The following BFAR variants were observed in gnomAD, a reference collection of about 807,000 sequenced individuals.
The protein encoded by BFAR is RING finger protein 47.
Under a neutral mutation model 54.4 loss-of-function variants are expected in BFAR, and 52 were observed. The ratio of observed to expected loss-of-function variants is 0.96; its 90% CI spans 0.77 to 1.21. The LOEUF (loss-of-function observed/expected upper bound fraction) is 1.21. Ranked by LOEUF, BFAR falls within the 50% of genes most tolerant of loss-of-function variation. BFAR has a pLI of 0.00. For synonymous variants in BFAR, 215 were observed against 204.3 expected, an observed-to-expected ratio of 1.05 and a Z score of -0.45; for missense variants, 571 against 534.0, an observed-to-expected ratio of 1.07 and a Z score of -0.68.
chr16:14,635,667 C>T (rs1240815441), intron 1 of BFAR, among the ~76,000 whole-genome samples: 1 of 152,050 alleles, frequency 6.6e-6, no homozygotes, highest in Non-Finnish European at 1.5e-5. Flanking sequence ...CACCTTTGCT[C>T]CACTGGTTTC....
intron 3 of BFAR, among the ~76,000 whole-genome samples, chr16:14,649,195 C>T (rs944229721): frequency 3.3e-5 from 5 of 151,400 alleles, no homozygotes; most frequent in Non-Finnish European, 5.9e-5. Context: ...TCTGCCTCAG[C>T]TTCCCAAGTA....
chr16:14,656,768 G>T (rs566852822), intron 5 of BFAR, among the ~76,000 whole-genome samples: 19 of 152,236 alleles, frequency 1.2e-4, no homozygotes, highest in African/African-American at 4.6e-4. Flanking sequence ...ACCCATGTAG[G>T]CAGCCACCGG....
intron 5 of BFAR, among the ~76,000 whole-genome samples, chr16:14,655,938 C>A (rs928462735): frequency 6.6e-6 from 1 of 151,654 alleles, no homozygotes. Context: ...GGCTGGTCAC[C>A]GTGGCTCACA....
chr16:14,639,842 C>T (rs921042922), intron 1 of BFAR, among the ~76,000 whole-genome samples: 3 of 152,170 alleles, frequency 2.0e-5, no homozygotes, highest in Non-Finnish European at 2.9e-5. Context: ...TGATAAGTAA[C>T]GACCTGACGT....
chr16:14,666,186 C>A (rs1960436371), intron 7 of BFAR, among the ~76,000 whole-genome samples: 1 of 152,166 alleles, frequency 6.6e-6, no homozygotes, highest in African/African-American at 2.4e-5. Context: ...TGGACCCAGG[C>A]TTGAGGCATG....
At chr16:14,642,495 C>CA (rs1256033572) in intron 1 of BFAR, among the ~76,000 whole-genome samples, 1 of 152,090 alleles carries the variant, frequency 6.6e-6, no homozygotes, top group African/African-American at 2.4e-5. Context: ...CAGATGAAAA[C>CA]AAGAAGAGAA....
intron 5 of BFAR, among the ~76,000 whole-genome samples, chr16:14,660,161 ACTGG>A (rs1960250474): frequency 4.0e-5 from 6 of 151,368 alleles, no homozygotes; most frequent in Non-Finnish European, 7.4e-5. Context: ...AGTGATCTCC[ACTGG>A]ACACTGGGGA....
At position 14,649,793 on chromosome 16, in the gene BFAR, CT is replaced by C; in HGVS notation, c.469-7del. On this transcript the variant is annotated splice_polypyrimidine_tract_variant and intron_variant, in intron 3 of 7. Transcript: ENST00000261658. ...TCTCCATGGTTTAAAGTCCCTGTCACTTTTCCCCAGGTGGTCCTGCTCGTCT... is the reference window on the plus strand; with the variant it reads ...TCTCCATGGTTTAAAGTCCCTGTCACTTTCCCCAGGTGGTCCTGCTCGTCT... 4 of 1,585,058 alleles carry C rather than the reference CT, an allele frequency of 2.5e-6. No homozygotes were observed. The highest frequency in any genetic ancestry group is 1.1e-5 in the South Asian group (1 of 87,608).
chr16:14,641,819 G>GC (rs1959637378), intron 1 of BFAR, among the ~76,000 whole-genome samples: 1 of 152,172 alleles, frequency 6.6e-6, no homozygotes. Flanking sequence ...CTCAGGTTGT[G>GC]CTATTGCACT....
At position 14,645,931 on chromosome 16, in the gene BFAR, C is replaced by T. The variant is rs759249988; in HGVS notation, c.263+1322C>T. 6.8e-4 allele frequency among the ~76,000 whole-genome samples: 103 copies of T among 152,064 alleles called. 1 individual carries two copies. Among genetic ancestry groups the T allele is most frequent in the Non-Finnish European group, 9.1e-4 (62 of 68,006 alleles). The stretch of plus-strand genomic sequence containing the variant: ...TCGCTCAGGCTGGAGTGCAGTGGTA[C>T]GACCTTGGCTCACTGCAACCTCCAC... On this transcript the variant is annotated intron_variant, in intron 2 of 7. Transcript: ENST00000261658.
At chr16:14,648,758 A>T (rs1168595029) in intron 3 of BFAR, among the ~76,000 whole-genome samples, 166 bp downstream of exon 3, 2 of 152,118 alleles carry the variant, frequency 1.3e-5, no homozygotes, top group Non-Finnish European at 2.9e-5. Context: ...TTCCTCAGGA[A>T]TGTTGCTTAC....
chr16:14,641,285 A>G (rs1959618052), intron 1 of BFAR, among the ~76,000 whole-genome samples: 1 of 152,206 alleles, frequency 6.6e-6, no homozygotes, highest in Non-Finnish European at 1.5e-5. Flanking sequence ...AAGATGGAGA[A>G]AACAGTGAAG....
In BFAR at chr16:14,644,603, T is replaced by C; in HGVS notation, c.257T>C (p.Leu86Pro). 1 of 1,612,518 alleles carries C rather than the reference T, an allele frequency of 6.2e-7. No individual in the cohort carries two copies. ...KWEGFPKVSI[L>P]LRDAIEKLFP... ...GAAGGTTTCCCCAAAGTCAGTATTCTCCTCAGGTAATGTTCAGCCTATATT... is the reference window on the plus strand; with the variant it reads ...GAAGGTTTCCCCAAAGTCAGTATTCCCCTCAGGTAATGTTCAGCCTATATT... Residue 86 changes from leucine (L) to proline (P), a missense_variant, in exon 2 of 8, where the codon CTC becomes CCC. Transcript: ENST00000261658.
chr16:14,642,116 G>T (rs1365118382), intron 1 of BFAR, among the ~76,000 whole-genome samples: 1 of 152,216 alleles, frequency 6.6e-6, no homozygotes, highest in Non-Finnish European at 1.5e-5. Context: ...TGCCTCCAGA[G>T]CATGAAGCGT....
Position 14,654,941 on chromosome 16 carries a change from A to G in BFAR, c.639-125A>G, listed in dbSNP as rs1596984679. ...ATTATTTGCTGCTCTTGATGTTGTT[A>G]AATGTGAAATGTCTCACCATACCTC... On this transcript the variant is annotated intron_variant, in intron 4 of 7. Coordinates refer to ENST00000261658, the MANE Select transcript of BFAR (RefSeq NM_016561.3). The G allele has an allele frequency of 4.9e-6, 5 of 1,019,080 alleles. No homozygotes were observed. The East Asian group carries it at 1.3e-4, about 27-fold the overall frequency. 63.1% of individuals were successfully genotyped at this position (1,019,080 alleles called of 1,614,324 possible). A position where few individuals can be genotyped will look rare whatever the true frequency, so the allele number is the denominator to read the frequency against.
rs1959730613 is a variant in BFAR at position 14,644,564 on chromosome 16, G to A, written c.218G>A (p.Cys73Tyr). 1 of 1,613,870 alleles carries A rather than the reference G, an allele frequency of 6.2e-7. No homozygotes were observed. The highest frequency in any genetic ancestry group is 8.5e-7 in the Non-Finnish European group (1 of 1,179,970). ...ASSKKTECPECREKWEGFPKV... is the reference protein window; with the variant it reads ...ASSKKTECPEYREKWEGFPKV... ...TCAAAGAAAACAGAATGTCCAGAAT[G>A]CAGAGAAAAATGGGAAGGTTTCCCC... The change falls in exon 2 of 8, where the codon TGC becomes TAC. Residue 73 changes from cysteine to tyrosine, a missense_variant. Physicochemically the swap from Cys to Tyr is radical, Grantham distance 194 (BLOSUM62 -2). Coordinates refer to ENST00000261658, the MANE Select transcript of BFAR (RefSeq NM_016561.3).
At chr16:14,653,830 C>T (rs1457084675) in intron 4 of BFAR, among the ~76,000 whole-genome samples, 1 of 151,668 alleles carries the variant, frequency 6.6e-6, no homozygotes, top group Non-Finnish European at 1.5e-5. Flanking sequence ...GTCTCAGCCT[C>T]CCAAGTAATT....
chr16:14,646,093 C>T (rs1207187629), intron 2 of BFAR, among the ~76,000 whole-genome samples: 1 of 152,096 alleles, frequency 6.6e-6, no homozygotes, highest in Admixed American at 6.6e-5. Flanking sequence ...CTCTTGTTTC[C>T]TAGGCTGGAG....
intron 4 of BFAR, among the ~76,000 whole-genome samples, chr16:14,653,566 T>A (rs995017797): frequency 6.6e-6 from 1 of 152,072 alleles, no homozygotes; most frequent in Non-Finnish European, 1.5e-5. Flanking sequence ...CCTCAGATGA[T>A]CTACCTGTGC....
Sources: gnomAD v4.1 joint callset for allele counts (sites outside exome capture counted in the v4.1 genomes callset) on GRCh38, gnomAD v4.1.1 for gene constraint, MANE v1.5 for transcripts, NCBI Gene and HGNC (gene_info 2026-07-23, HGNC 2026-07-21) for gene names.